Variants in CPED1 observed in about 807,000 individuals in gnomAD.
CPED1 encodes the protein cadherin-like and PC-esterase domain-containing protein 1.
Under a neutral mutation model 128.2 loss-of-function variants are expected in CPED1, and 114 were observed. The ratio of observed to expected loss-of-function variants is 0.89; its 90% confidence interval spans 0.76 to 1.04. The LOEUF (loss-of-function observed/expected upper bound fraction) is 1.04. Among genes scored for constraint, CPED1 ranks in the 50% least tolerant of loss-of-function variants. The pLI, the probability that CPED1 is intolerant of heterozygous loss-of-function variation, is 0.00. For synonymous variants in CPED1, 462 were observed against 426.7 expected (o/e 1.08, Z -1.02); for missense variants, 1,211 against 1,207.1 (o/e 1.00, Z -0.05).
chr7:121,133,781 T>C, intron 12 of CPED1, 42 bp from the exon 13 acceptor site: 1 of 1,337,616 alleles, frequency 7.5e-7, no homozygotes, highest in Admixed American at 1.9e-5. Flanking sequence ...ACGCGTTTTG[T>C]TCATTTCATT....
chr7:121,253,750 A>G (rs1798742223), intron 18 of CPED1, among the ~76,000 whole-genome samples: 2 of 152,090 alleles, frequency 1.3e-5, no homozygotes, highest in Admixed American at 1.3e-4. Flanking sequence ...CATACAAACA[A>G]AAAAGAGCAG....
rs1315925686 is a variant in CPED1 at position 121,245,192 on chromosome 7, AAAG to A, written c.2310+860_2310+862del. On this transcript the variant is annotated intron_variant, in intron 18 of 22. Transcript: ENST00000310396. ...TATGCCAATTTACTAGCAAATAGTTAAAGAAGAATAACAGGAGCTGAGGGGCAG... is the reference window on the plus strand; with the variant it reads ...TATGCCAATTTACTAGCAAATAGTTAAAGAATAACAGGAGCTGAGGGGCAG... 2.6e-5 allele frequency among the ~76,000 whole-genome samples: 4 copies of A among 152,342 alleles called. 1 individual carries two copies. The highest frequency in any genetic ancestry group is 6.8e-3 in the Middle Eastern group (2 of 294).
At chr7:121,039,667 A>G (rs1163137720) in intron 3 of CPED1, among the ~76,000 whole-genome samples, 3 of 152,042 alleles carry the variant, frequency 2.0e-5, no homozygotes, top group Non-Finnish European at 4.4e-5. Flanking sequence ...ATACCCACAC[A>G]TGTATATAGT....
At chr7:121,242,280 C>A (rs922968872) in intron 17 of CPED1, among the ~76,000 whole-genome samples, 3 of 152,156 alleles carry the variant, frequency 2.0e-5, no homozygotes, top group Admixed American at 2.0e-4. Flanking sequence ...GCTGACTGCC[C>A]TGCTCAAATC....
At chr7:121,030,706 G>T (rs917244843) in intron 3 of CPED1, among the ~76,000 whole-genome samples, 2 of 152,006 alleles carry the variant, frequency 1.3e-5, no homozygotes, top group South Asian at 4.2e-4. Flanking sequence ...ATCTCTTAAT[G>T]TGCCTAATTT....
rs798937 is a variant in CPED1, at chr7:121,100,049, G to T, written c.873G>T (p.Thr291=). ...CTTTGCGTGCATTCATTCATTCGAC[G>T]GGCACAGTTTGGAATCCACCAAAGA... ...LTPLRAFIHS[T]GTVWNPPKKK... The change falls in exon 7 of 23, where the codon ACG becomes ACT. Residue 291 remains threonine, a synonymous_variant. Coordinates refer to ENST00000310396, the MANE Select transcript of CPED1 (RefSeq NM_024913.5). The T allele has an allele frequency of 0.8, 1,290,147 of 1,612,994 alleles. 517,988 individuals carry two copies. Among genetic ancestry groups the T allele is most frequent in the East Asian group, 0.96 (43,172 of 44,856 alleles).
At chr7:121,154,239 C>T (rs985634876) in intron 16 of CPED1, among the ~76,000 whole-genome samples, 1 of 152,136 alleles carries the variant, frequency 6.6e-6, no homozygotes, top group Non-Finnish European at 1.5e-5. Context: ...GTAAATTGCG[C>T]ATCACAGTAA....
chr7:121,025,539 A>G (rs1283913147), intron 3 of CPED1, among the ~76,000 whole-genome samples: 1 of 152,066 alleles, frequency 6.6e-6, no homozygotes, highest in Non-Finnish European at 1.5e-5. Flanking sequence ...GTGTTTCCCA[A>G]ACTCGATGAA....
chr7:121,021,014 C>T (rs915548491), intron 3 of CPED1, among the ~76,000 whole-genome samples: 3 of 151,868 alleles, frequency 2.0e-5, no homozygotes, highest in East Asian at 3.8e-4. Context: ...ATAGCAAAGA[C>T]ATTTCCATAA....
chr7:121,057,001 G>A (rs1479373607), intron 4 of CPED1, among the ~76,000 whole-genome samples: 1 of 151,372 alleles, frequency 6.6e-6, no homozygotes, highest in African/African-American at 2.4e-5. Context: ...TTTTTGAGAT[G>A]GAGTCTCACT....
chr7:121,026,667 A>T (rs1160157545), intron 3 of CPED1, among the ~76,000 whole-genome samples: 3 of 5,382 alleles, frequency 5.6e-4, no homozygotes, highest in Non-Finnish European at 8.7e-4. Flanking sequence ...ATCATTATTT[A>T]AAAAAAAAAA....
intron 22 of CPED1, among the ~76,000 whole-genome samples, chr7:121,281,001 C>A (rs1355087776): frequency 3.9e-5 from 6 of 152,184 alleles, no homozygotes; most frequent in African/African-American, 1.4e-4. Context: ...CCTCTTCAGA[C>A]CCCATCCATG....
At chr7:121,248,479 A>G (rs1798590878) in intron 18 of CPED1, among the ~76,000 whole-genome samples, 1 of 151,712 alleles carries the variant, frequency 6.6e-6, no homozygotes, top group Admixed American at 6.6e-5. Flanking sequence ...AATACAGAGG[A>G]GCCCTGTGGC....
intron 3 of CPED1, among the ~76,000 whole-genome samples, chr7:121,042,451 A>T (rs535664006): frequency 6.6e-6 from 1 of 152,312 alleles, no homozygotes; most frequent in South Asian, 2.1e-4. Context: ...TGTAAAGCAC[A>T]TGTAATAACA....
At chr7:121,179,110 G>A in intron 16 of CPED1, among the ~76,000 whole-genome samples, 1 of 152,074 alleles carries the variant, frequency 6.6e-6, no homozygotes, top group East Asian at 1.9e-4. Flanking sequence ...AGTGATCAGT[G>A]AAGTCAGGCC....
chr7:121,057,852 T>C (rs1793540138), intron 4 of CPED1, among the ~76,000 whole-genome samples: 1 of 152,074 alleles, frequency 6.6e-6, no homozygotes, highest in East Asian at 1.9e-4. Flanking sequence ...GGGAAAATAG[T>C]CGCTAAGTAA....
At chr7:121,199,271 T>C (rs1221864367) in intron 16 of CPED1, among the ~76,000 whole-genome samples, 1 of 152,118 alleles carries the variant, frequency 6.6e-6, no homozygotes, top group Non-Finnish European at 1.5e-5. Flanking sequence ...AGTAAGAGTG[T>C]GAACACCTTG....
At chr7:121,202,896 T>C (rs938427129) in intron 16 of CPED1, among the ~76,000 whole-genome samples, 1 of 152,128 alleles carries the variant, frequency 6.6e-6, no homozygotes, top group African/African-American at 2.4e-5. Flanking sequence ...AAAGAGCCTC[T>C]AGAAAGGCTT....
intron 18 of CPED1, among the ~76,000 whole-genome samples, chr7:121,260,676 C>T (rs1055771546): frequency 6.6e-6 from 1 of 150,472 alleles, no homozygotes; most frequent in African/African-American, 2.4e-5. Context: ...TGAAAGCTCT[C>T]CAGTAAACAG....
Sources: gnomAD v4.1 joint callset for allele counts (sites outside exome capture counted in the v4.1 genomes callset) on GRCh38, gnomAD v4.1.1 for gene constraint, MANE v1.5 for transcripts, NCBI Gene and HGNC (gene_info 2026-07-23, HGNC 2026-07-21) for gene names.